The following ABRAXAS2 variants were observed in gnomAD, a reference collection of about 807,000 sequenced individuals.
ABRAXAS2 encodes abraxas 2, BRISC complex subunit.
ABRAXAS2 carries 23 observed loss-of-function variants against 49.0 expected under a neutral mutation model. The observed-to-expected ratio is 0.47, with a 90% CI of 0.34 to 0.66. The LOEUF (loss-of-function observed/expected upper bound fraction) is 0.66. Ranked by LOEUF, ABRAXAS2 falls within the 30% of genes least tolerant of loss-of-function variation. The pLI is 0.01. For missense variants in ABRAXAS2, 443 were observed against 511.9 expected, an observed-to-expected ratio of 0.87 and a Z score of 1.30; for synonymous variants, 168 against 180.2, an observed-to-expected ratio of 0.93 and a Z score of 0.54.
chr10:124,805,924 A>G (rs1401772449), intron 1 of ABRAXAS2, among the ~76,000 whole-genome samples: 6 of 152,206 alleles, frequency 3.9e-5, no homozygotes, highest in Admixed American at 3.9e-4. Flanking sequence ...GCGCAAGTAC[A>G]CAAAGAGTAG....
intron 4 of ABRAXAS2, among the ~76,000 whole-genome samples, chr10:124,824,018 A>G (rs918282533): frequency 6.6e-6 from 1 of 152,174 alleles, no homozygotes; most frequent in Non-Finnish European, 1.5e-5. Context: ...CCTGGGCTCA[A>G]GTGATCCCCC....
rs766004301 is a variant in ABRAXAS2, at chr10:124,828,746, T to C, written c.459-10T>C. On this transcript the variant is annotated splice_polypyrimidine_tract_variant and intron_variant, in intron 5 of 8. Coordinates refer to ENST00000298492, the MANE Select transcript of ABRAXAS2 (RefSeq NM_032182.4). ...ACATTTAACATGATCTCTCTGAATT[T>C]TTCCCATAGGTATAATCAGAGGATA... 6.2e-7 allele frequency: 1 copy of C among 1,612,052 alleles called. No individual in the cohort carries two copies. The highest frequency in any genetic ancestry group is 8.5e-7 in the Non-Finnish European group (1 of 1,178,884).
chr10:124,834,773 G>A lies in ABRAXAS2; in HGVS notation c.1050G>A (p.Lys350=). The change falls in exon 9 of 9, where the codon AAG becomes AAA. Residue 350 remains lysine, a synonymous_variant. Transcript: ENST00000298492. ...ATGCTTCCACCAGTGCCGGACTGAA[G>A]TATCCTGGAAGTGGGGCTGACCTTC... is the stretch of plus-strand genomic sequence containing the variant. ...SNYASTSAGL[K]YPGSGADLPP... The A allele has an allele frequency of 1.2e-6, 2 of 1,614,164 alleles. No homozygotes were observed. Among genetic ancestry groups the A allele is most frequent in the African/African-American group, 1.3e-5 (1 of 75,042 alleles).
Position 124,834,607 on chromosome 10 carries a change from C to T in ABRAXAS2, c.884C>T (p.Thr295Ile). Residue 295 changes from threonine (T) to isoleucine (I), a missense_variant, in exon 9 of 9, where the codon ACA (threonine) becomes ATA (isoleucine). Around this residue, in one of 3 missense-constraint regions of ABRAXAS2, gnomAD observed 230 missense variants for 237.0 expected, o/e 0.97. Transcript: ENST00000298492. Reference sequence around the variant, plus strand: ...GGGTTTGCAGCTGAAGGCAGAAGTACACTTGGAGATGCAGAGGCCTCGGAT... The same window carrying T: ...GGGTTTGCAGCTGAAGGCAGAAGTATACTTGGAGATGCAGAGGCCTCGGAT... ...SSGFAAEGRS[T>I]LGDAEASDPP... 4 of 1,614,182 alleles carry T rather than the reference C, an allele frequency of 2.5e-6. No individual in the cohort carries two copies. The highest frequency in any genetic ancestry group is 3.4e-6 in the Non-Finnish European group (4 of 1,180,034).
intron 2 of ABRAXAS2, among the ~76,000 whole-genome samples, chr10:124,815,459 G>T (rs1180656417): frequency 6.6e-6 from 1 of 152,206 alleles, no homozygotes; most frequent in Non-Finnish European, 1.5e-5. Flanking sequence ...CTCCCAAAGT[G>T]CTGGGACTAC....
At chr10:124,815,966 G>A (rs560049432) in intron 2 of ABRAXAS2, among the ~76,000 whole-genome samples, 5 of 146,786 alleles carry the variant, frequency 3.4e-5, no homozygotes, top group Non-Finnish European at 5.9e-5. Context: ...GCAGTGGCGC[G>A]ATCTCTGCTC....
intron 3 of ABRAXAS2, among the ~76,000 whole-genome samples, chr10:124,818,598 G>A (rs1277815000): frequency 2.6e-5 from 4 of 151,918 alleles, no homozygotes; most frequent in African/African-American, 9.7e-5. Context: ...GGCTTTTTTT[G>A]TTTGTTTTTA....
chr10:124,830,067 C>T (rs756685390), intron 7 of ABRAXAS2, among the ~76,000 whole-genome samples: 27 of 152,126 alleles, frequency 1.8e-4, no homozygotes, highest in Non-Finnish European at 1.0e-4. Flanking sequence ...AACAAAAGAG[C>T]GTTTGAACTG....
chr10:124,817,399 C>T (rs1295811128), intron 3 of ABRAXAS2, among the ~76,000 whole-genome samples: 3 of 152,138 alleles, frequency 2.0e-5, no homozygotes, highest in Non-Finnish European at 4.4e-5. Context: ...ACTCACTGGA[C>T]TTCCCCCCAA....
intron 4 of ABRAXAS2, among the ~76,000 whole-genome samples, chr10:124,824,248 G>A (rs1441032393): frequency 6.6e-6 from 1 of 152,062 alleles, no homozygotes; most frequent in East Asian, 1.9e-4. Context: ...TCAATAAGCT[G>A]TTATATGCCA....
intron 2 of ABRAXAS2, among the ~76,000 whole-genome samples, chr10:124,815,395 C>T (rs755789508): frequency 2.0e-5 from 3 of 152,040 alleles, no homozygotes; most frequent in African/African-American, 7.2e-5. Context: ...GAGGTTTCAC[C>T]GTGTTAGCCA....
chr10:124,802,017 C>T (rs1211447949), intron 1 of ABRAXAS2, 116 bp downstream of exon 1: 5 of 1,019,840 alleles, frequency 4.9e-6, no homozygotes, highest in Non-Finnish European at 7.1e-6. Context: ...CAGGGCCGGC[C>T]GGAGGAGCTG....
intron 4 of ABRAXAS2, among the ~76,000 whole-genome samples, chr10:124,820,436 T>C (rs1461431573): frequency 6.6e-6 from 1 of 152,186 alleles, no homozygotes; most frequent in East Asian, 1.9e-4. Flanking sequence ...CCTTACCTCC[T>C]CATTTTTCAT....
chr10:124,833,912 A>G (rs758465157), intron 8 of ABRAXAS2, among the ~76,000 whole-genome samples: 1 of 152,214 alleles, frequency 6.6e-6, no homozygotes, highest in Non-Finnish European at 1.5e-5. Context: ...TTTAAGGTAT[A>G]TAAGTGTATT....
chr10:124,802,396 G>C (rs1297692426), intron 1 of ABRAXAS2, among the ~76,000 whole-genome samples: 1 of 152,230 alleles, frequency 6.6e-6, no homozygotes, highest in Non-Finnish European at 1.5e-5. Context: ...TGTTAGACAC[G>C]GTTGTGTGTT....
intron 2 of ABRAXAS2, among the ~76,000 whole-genome samples, chr10:124,812,729 G>A (rs1950798476): frequency 6.6e-6 from 1 of 152,142 alleles, no homozygotes; most frequent in Admixed American, 6.6e-5. Flanking sequence ...TAGGAAAAGT[G>A]CATTGAGTAG....
rs371582355 is a variant in ABRAXAS2 at position 124,815,736 on chromosome 10, G to A, written c.164-840G>A. 9.9e-5 allele frequency among the ~76,000 whole-genome samples: 15 copies of A among 152,138 alleles called. No homozygotes were observed. The East Asian group carries it at 2.7e-3, about 27-fold the overall frequency. On this transcript the variant is annotated intron_variant, in intron 2 of 8. Transcript: ENST00000298492. ...TTTTACGATCTACCCTGTAATGATT[G>A]TTTCCCTTGGTACTGACCATCTTTG...
At chr10:124,814,738 C>T (rs1043413405) in intron 2 of ABRAXAS2, among the ~76,000 whole-genome samples, 2 of 151,970 alleles carry the variant, frequency 1.3e-5, no homozygotes, top group Non-Finnish European at 2.9e-5. Flanking sequence ...CAACCTCTGC[C>T]TCCTGGGTTC....
chr10:124,809,882 A>G (rs1436954382), intron 2 of ABRAXAS2, among the ~76,000 whole-genome samples: 3 of 150,638 alleles, frequency 2.0e-5, no homozygotes, highest in Non-Finnish European at 4.4e-5. Context: ...CCTCCCTAGT[A>G]GCTGTGAATA....
Sources: allele counts gnomAD v4.1 joint callset (sites outside exome capture counted in the v4.1 genomes callset), GRCh38; gene constraint gnomAD v4.1.1; regional missense constraint gnomAD v4.1.1; transcripts MANE v1.5; gene names NCBI Gene and HGNC (gene_info 2026-07-23, HGNC 2026-07-21).